Variants in OR51B5 observed in about 807,000 individuals in gnomAD.
OR51B5 encodes the protein olfactory receptor family 51 subfamily B member 5.
For missense variants in OR51B5, 456 were observed against 374.6 expected (o/e 1.22, Z -1.79); for synonymous variants, 186 against 144.8 (o/e 1.28, Z -2.04).
intron 1 of OR51B5, among the ~76,000 whole-genome samples, chr11:5,423,466 T>C (rs1026803775): frequency 1.3e-5 from 2 of 152,242 alleles, no homozygotes; most frequent in South Asian, 4.1e-4. Context: ...TCCTACGGGC[T>C]TGTTTAAACT....
chr11:5,441,334 TG>T, intron 1 of OR51B5: 2 of 1,613,896 alleles, frequency 1.2e-6, no homozygotes, highest in Non-Finnish European at 1.7e-6. Flanking sequence ...AAGTAGTACA[TG>T]GGCTGATGCA....
intron 1 of OR51B5, among the ~76,000 whole-genome samples, chr11:5,384,496 C>T (rs1316066587): frequency 6.6e-6 from 1 of 152,178 alleles, no homozygotes; most frequent in African/African-American, 2.4e-5. Flanking sequence ...AGCTCATCTG[C>T]AGTATTCTGT....
rs778616464 is a variant in OR51B5, at chr11:5,453,873, C to G, written n.84+51696G>C. The G allele has an allele frequency of 1.2e-5, 20 of 1,614,164 alleles. No homozygotes were observed. In the South Asian group the frequency reaches 1.9e-4, roughly 15 times the overall value. On this transcript the variant is annotated intron_variant and non_coding_transcript_variant, in intron 1 of 4. Coordinates refer to the OR51B5 transcript ENST00000415970. ...TGACCGCTATGTGGCCATTTGTGAC[C>G]CCTTGCGCTATGCAACTGTGCTCAC...
chr11:5,352,223 G>T lies in OR51B5; in HGVS notation n.85-5313C>A, dbSNP rs145516485. On this transcript the variant is annotated intron_variant and non_coding_transcript_variant, in intron 1 of 4. Transcript: ENST00000415970. Reference sequence around the variant, plus strand: ...GAAAGGGCCAAGGCCCTCAACACATGTGTCTCTCATATCTGCTGCATCCTG... The same window carrying T: ...GAAAGGGCCAAGGCCCTCAACACATTTGTCTCTCATATCTGCTGCATCCTG... The T allele has an allele frequency of 3.1e-5, 50 of 1,614,042 alleles. No individual in the cohort carries two copies. In the African/African-American group the frequency reaches 5.7e-4, roughly 19 times the overall value.
At chr11:5,413,715 A>T (rs534359426) in intron 1 of OR51B5, among the ~76,000 whole-genome samples, 1 of 152,332 alleles carries the variant, frequency 6.6e-6, no homozygotes, top group East Asian at 1.9e-4. Context: ...AAATGAAGCA[A>T]GAAGAGAAGT....
At chr11:5,350,356 G>C (rs986964363) in intron 1 of OR51B5, among the ~76,000 whole-genome samples, 1 of 152,308 alleles carries the variant, frequency 6.6e-6, no homozygotes, top group South Asian at 2.1e-4. Flanking sequence ...TGGACAGAAA[G>C]AGGTCTTGTA....
intron 1 of OR51B5, among the ~76,000 whole-genome samples, chr11:5,387,176 G>C (rs896720305): frequency 6.6e-6 from 1 of 152,116 alleles, no homozygotes; most frequent in African/African-American, 2.4e-5. Context: ...AGAGTGCATA[G>C]AAGCTATCAC....
chr11:5,362,852 GC>G, intron 1 of OR51B5: 1 of 190,510 alleles, frequency 5.2e-6, no homozygotes, highest in Non-Finnish European at 1.1e-5. Context: ...ACATGTGAGT[GC>G]CCAAGAGTAA....
At chr11:5,491,089 C>T (rs962175159) in intron 1 of OR51B5, among the ~76,000 whole-genome samples, 2 of 152,170 alleles carry the variant, frequency 1.3e-5, no homozygotes, top group African/African-American at 2.4e-5. Flanking sequence ...AGAGATTATA[C>T]TGGTATGTAT....
chr11:5,395,713 A>G (rs1849859519), intron 1 of OR51B5, among the ~76,000 whole-genome samples: 1 of 152,218 alleles, frequency 6.6e-6, no homozygotes, highest in African/African-American at 2.4e-5. Context: ...GAAATCTTTC[A>G]ACATAGTAAA....
chr11:5,435,490 A>G (rs1187811979), intron 1 of OR51B5, among the ~76,000 whole-genome samples: 4 of 106,686 alleles, frequency 3.7e-5, no homozygotes, highest in African/African-American at 1.2e-4. Flanking sequence ...AGAATGGATG[A>G]TATTGACTGT....
At chr11:5,422,892 C>A (rs150281365) in intron 1 of OR51B5, 4 of 1,614,058 alleles carry the variant, frequency 2.5e-6, no homozygotes, top group Non-Finnish European at 3.4e-6. Flanking sequence ...TTGGGCACAG[C>A]CACCTGGGCT....
intron 1 of OR51B5, among the ~76,000 whole-genome samples, chr11:5,473,240 G>T (rs1307974066): frequency 6.6e-6 from 1 of 152,182 alleles, no homozygotes; most frequent in African/African-American, 2.4e-5. Flanking sequence ...TGAATAAGGG[G>T]TGCAAATGCC....
At position 5,430,955 on chromosome 11, in the gene OR51B5, C is replaced by T. The variant is rs182208271; in HGVS notation, n.84+74614G>A. On this transcript the variant is annotated intron_variant and non_coding_transcript_variant, in intron 1 of 4. Transcript: ENST00000415970. ...TAAAGAATCAAGACATAAGAGACCACGATAAGCAATGAGTCCAGCCCGAAA... is the reference window on the plus strand; with the variant it reads ...TAAAGAATCAAGACATAAGAGACCATGATAAGCAATGAGTCCAGCCCGAAA... 2,458 of 456,972 alleles carry T rather than the reference C, an allele frequency of 5.4e-3. 54 individuals are homozygous for T. Among genetic ancestry groups the T allele is most frequent in the South Asian group, 0.037 (2,369 of 64,572 alleles). The allele number at this position is 456,972 out of a possible 1,614,324, so 28.3% of individuals were successfully genotyped here.
chr11:5,485,117 C>A (rs1045780108), intron 1 of OR51B5, among the ~76,000 whole-genome samples: 4 of 152,116 alleles, frequency 2.6e-5, no homozygotes, highest in Non-Finnish European at 5.9e-5. Flanking sequence ...CATCATAGCA[C>A]CCCTCCACCA....
intron 1 of OR51B5, chr11:5,449,434 CT>C: frequency 6.6e-6 from 1 of 152,278 alleles, no homozygotes; most frequent in Non-Finnish European, 1.5e-5. Context: ...AAGCATTAGA[CT>C]GGGCAAGGGG....
rs1166868102 is a variant in OR51B5, at chr11:5,412,349, C to G, written n.85-65439G>C. Among the ~76,000 whole-genome samples, 9 of 152,296 alleles carry G rather than the reference C, an allele frequency of 5.9e-5. No homozygotes were observed. The East Asian group carries it at 1.2e-3, about 20-fold the overall frequency. ...ATAGGAACAGGTCCAGTCTACAGCT[C>G]CCAGCGTGAGCGATGCAGAAGACGG... On this transcript the variant is annotated intron_variant and non_coding_transcript_variant, in intron 1 of 4. Coordinates refer to the OR51B5 transcript ENST00000415970.
intron 1 of OR51B5, among the ~76,000 whole-genome samples, chr11:5,357,145 T>C (rs563302156): frequency 2.3e-3 from 351 of 152,174 alleles, no homozygotes; most frequent in Middle Eastern, 3.4e-3. Context: ...TTAATGTAAA[T>C]GGGCTAAATG....
At chr11:5,422,126 C>A in intron 1 of OR51B5, 2 of 1,166,524 alleles carry the variant, frequency 1.7e-6, no homozygotes, top group Non-Finnish European at 2.5e-6. Context: ...TTAAATGGGG[C>A]AAAGAGATAT....
Sources: allele counts gnomAD v4.1 joint callset (sites outside exome capture counted in the v4.1 genomes callset), GRCh38; gene constraint gnomAD v4.1.1; transcripts MANE v1.5; gene names NCBI Gene and HGNC (gene_info 2026-07-23, HGNC 2026-07-21).